Variants in ADAM32 observed in about 807,000 individuals in gnomAD.
ADAM32 encodes the protein disintegrin and metalloproteinase domain-containing protein 32.
A neutral mutation model predicts 114.9 loss-of-function variants in ADAM32; 89 were observed. The ratio of observed to expected loss-of-function variants is 0.77; its 90% CI spans 0.65 to 0.92. The LOEUF (loss-of-function observed/expected upper bound fraction) is 0.92, where lower values mean the gene tolerates loss of function less well. Ranked by LOEUF, ADAM32 falls within the 40% of genes least tolerant of loss-of-function variation. The pLI, the probability that ADAM32 is intolerant of heterozygous loss-of-function variation, is 0.00. For missense variants in ADAM32, 870 were observed against 932.8 expected, an observed-to-expected ratio of 0.93 and a Z score of 0.88; for synonymous variants, 285 against 307.5, an observed-to-expected ratio of 0.93 and a Z score of 0.77.
At chr8:39,143,300 G>T (rs1034715729) in intron 3 of ADAM32, among the ~76,000 whole-genome samples, 7 of 151,982 alleles carry the variant, frequency 4.6e-5, no homozygotes, top group South Asian at 4.1e-4. Context: ...CTGTTTTTTT[G>T]GAATTTTCAG....
chr8:39,170,739 A>C (rs1805135641), intron 10 of ADAM32, among the ~76,000 whole-genome samples: 1 of 152,072 alleles, frequency 6.6e-6, no homozygotes, highest in Non-Finnish European at 1.5e-5. Flanking sequence ...TTCTTAAAAG[A>C]GTTTTAAATA....
chr8:39,173,647 G>T (rs1805330091), intron 10 of ADAM32, among the ~76,000 whole-genome samples: 1 of 152,014 alleles, frequency 6.6e-6, no homozygotes, highest in Non-Finnish European at 1.5e-5. Flanking sequence ...CTTTTGCTCT[G>T]CAGAAGCTCT....
intron 24 of ADAM32, among the ~76,000 whole-genome samples, chr8:39,284,360 TAC>T (rs375169437): frequency 1.1e-4 from 17 of 149,334 alleles, no homozygotes; most frequent in South Asian, 2.1e-4. Context: ...AATACTGTTA[TAC>T]ACACACACAC....
intron 6 of ADAM32, among the ~76,000 whole-genome samples, chr8:39,155,828 TTTTC>T (rs1271480859): frequency 2.6e-5 from 4 of 152,300 alleles, no homozygotes; most frequent in East Asian, 1.9e-4. Context: ...TCTCATTTAT[TTTTC>T]TTTATGTAAT....
chr8:39,177,061 CTT>C (rs138755208), intron 10 of ADAM32, among the ~76,000 whole-genome samples: 107 of 142,796 alleles, frequency 7.5e-4, no homozygotes, highest in Admixed American at 1.0e-3. Flanking sequence ...TCATCTCCTC[CTT>C]TTTTTTTTTT....
chr8:39,246,466 G>A (rs1810930145), intron 17 of ADAM32, among the ~76,000 whole-genome samples: 1 of 152,166 alleles, frequency 6.6e-6, no homozygotes, highest in Admixed American at 6.5e-5. Flanking sequence ...TAATTATGCT[G>A]TAATTCCTGT....
chr8:39,239,385 C>T (rs980848828), intron 16 of ADAM32, among the ~76,000 whole-genome samples: 1 of 152,152 alleles, frequency 6.6e-6, no homozygotes, highest in South Asian at 2.1e-4. Context: ...AAATTTGCTA[C>T]TACCAAACCA....
At chr8:39,230,531 C>T (rs1006848257) in intron 14 of ADAM32, among the ~76,000 whole-genome samples, 16 of 152,076 alleles carry the variant, frequency 1.1e-4, no homozygotes, top group African/African-American at 1.4e-4. Context: ...TTCCTTTCTT[C>T]GGATAATCTC....
At chr8:39,243,892 C>A in intron 16 of ADAM32, among the ~76,000 whole-genome samples, 1 of 152,022 alleles carries the variant, frequency 6.6e-6, no homozygotes. Context: ...ACCCTAAAGA[C>A]TCATCAAAAA....
chr8:39,184,041 G>C (rs978757775), intron 10 of ADAM32, among the ~76,000 whole-genome samples: 3 of 152,236 alleles, frequency 2.0e-5, no homozygotes, highest in African/African-American at 7.2e-5. Flanking sequence ...GTGCTATGGT[G>C]GAGGCTTATC....
intron 6 of ADAM32, among the ~76,000 whole-genome samples, chr8:39,155,281 C>A (rs1432016738): frequency 6.6e-6 from 1 of 152,196 alleles, no homozygotes; most frequent in Non-Finnish European, 1.5e-5. Context: ...GAGAGGAAAT[C>A]AAATTGTCCT....
chr8:39,147,258 A>G, intron 4 of ADAM32, 53 bp downstream of exon 4: 2 of 759,954 alleles, frequency 2.6e-6, no homozygotes, highest in Non-Finnish European at 3.6e-6. Context: ...TTTACATTAA[A>G]TAAATGCTTT....
chr8:39,119,323 T>C lies in ADAM32; in HGVS notation c.138+1158T>C, dbSNP rs371411102. 2.9e-3 allele frequency among the ~76,000 whole-genome samples: 437 copies of C among 152,342 alleles called. 5 individuals are homozygous for C. The highest frequency in any genetic ancestry group is 0.01 in the African/African-American group (417 of 41,586). ...CATAGTGACTGTACCAATTTACATG[T>C]CACATCAGCAATTTTTGAGTGTTCC... On this transcript the variant is annotated intron_variant, in intron 2 of 24. Transcript: ENST00000379907.
chr8:39,247,174 T>C lies in ADAM32; in HGVS notation c.1902+1008T>C, dbSNP rs115889728. On this transcript the variant is annotated intron_variant, in intron 17 of 24. Transcript: ENST00000379907. ...GTTTCTATAAACATCCTTCTGCAGG[T>C]TTTTGTGTGGACATAAATTTTCACC... is the stretch of plus-strand genomic sequence containing the variant. 4.6e-3 allele frequency among the ~76,000 whole-genome samples: 694 copies of C among 152,292 alleles called. 7 individuals are homozygous for C. Among genetic ancestry groups the C allele is most frequent in the African/African-American group, 0.015 (628 of 41,562 alleles).
chr8:39,266,816 A>G (rs974119255), intron 19 of ADAM32, among the ~76,000 whole-genome samples: 3 of 152,062 alleles, frequency 2.0e-5, no homozygotes, highest in Non-Finnish European at 4.4e-5. Flanking sequence ...TGTCTTTTGT[A>G]TGGAGCTTTC....
intron 12 of ADAM32, among the ~76,000 whole-genome samples, chr8:39,211,576 T>G (rs1475922579): frequency 6.6e-6 from 1 of 152,168 alleles, no homozygotes; most frequent in African/African-American, 2.4e-5. Flanking sequence ...CTTTTGAGTT[T>G]CAGACTAAAT....
At position 39,242,326 on chromosome 8, in the gene ADAM32, C is replaced by T. The variant is rs773378275; in HGVS notation, c.1819-3757C>T. On this transcript the variant is annotated intron_variant, in intron 16 of 24. Coordinates refer to ENST00000379907, the MANE Select transcript of ADAM32 (RefSeq NM_145004.7). ...TGTTACCCAGTTCCAAAGTCACTTT[C>T]ACATTTTTGGGTTTCTTTTCAGCAG... Among the ~76,000 whole-genome samples, 10 of 152,234 alleles carry T rather than the reference C, an allele frequency of 6.6e-5. 1 individual carries two copies. The highest frequency in any genetic ancestry group is 3.9e-4 in the Admixed American group (6 of 15,286).
chr8:39,108,006 C>G (rs1251956082), intron 1 of ADAM32, 173 bp downstream of exon 1: 1 of 859,454 alleles, frequency 1.2e-6, no homozygotes, highest in African/African-American at 1.8e-5. Context: ...ACTCAGGGCC[C>G]AGCACCAGGG....
chr8:39,164,755 G>GT lies in ADAM32; in HGVS notation c.595-4dup. ...TGTACTTAAATATAAAATTAATTCT[G>GT]TTTTTCAGTATGATTACTGGGGCTC... On this transcript the variant is annotated splice_polypyrimidine_tract_variant and intron_variant, in intron 7 of 24. Transcript: ENST00000379907. 2 of 1,562,486 alleles carry GT rather than the reference G, an allele frequency of 1.3e-6. No individual in the cohort carries two copies.
Sources: gnomAD v4.1 joint callset for allele counts (sites outside exome capture counted in the v4.1 genomes callset) on GRCh38, gnomAD v4.1.1 for gene constraint, MANE v1.5 for transcripts, NCBI Gene and HGNC (gene_info 2026-07-23, HGNC 2026-07-21) for gene names.